The following PCSK5 variants were observed in gnomAD, a reference collection of about 807,000 sequenced individuals.
The protein encoded by PCSK5 is prohormone convertase 5.
In PCSK5, 129 loss-of-function variants were observed where a neutral mutation model predicts 233.2. The ratio of observed to expected loss-of-function variants is 0.55; its 90% confidence interval spans 0.48 to 0.64. The LOEUF (loss-of-function observed/expected upper bound fraction) is 0.64. Ranked by LOEUF, PCSK5 falls within the 30% of genes least tolerant of loss-of-function variation. The probability of loss-of-function intolerance (pLI) is 0.00; values close to 1 mark genes in which losing one functional copy is unlikely to be tolerated. For synonymous variants in PCSK5, 825 were observed against 879.2 expected (o/e 0.94, Z 1.09); for missense variants, 2,076 against 2,430.1 (o/e 0.85, Z 3.06).
chr9:75,975,916 G>C (rs1325957775), intron 2 of PCSK5, among the ~76,000 whole-genome samples: 1 of 152,144 alleles, frequency 6.6e-6, no homozygotes, highest in African/African-American at 2.4e-5. Flanking sequence ...TTTGACCCTG[G>C]AGTGAAGCTG....
At chr9:76,058,369 CT>C (rs1279993897) in intron 5 of PCSK5, among the ~76,000 whole-genome samples, 8 of 152,080 alleles carry the variant, frequency 5.3e-5, no homozygotes, top group Non-Finnish European at 8.8e-5. Flanking sequence ...ATCTACAGTA[CT>C]TTAACTATAT....
At chr9:76,064,862 AT>A (rs1416546106) in intron 5 of PCSK5, among the ~76,000 whole-genome samples, 2 of 152,034 alleles carry the variant, frequency 1.3e-5, no homozygotes, top group African/African-American at 4.8e-5. Flanking sequence ...TCTCTTTTTT[AT>A]TTTTGTAGAG....
At chr9:75,930,451 A>G (rs1823735188) in intron 1 of PCSK5, among the ~76,000 whole-genome samples, 1 of 152,216 alleles carries the variant, frequency 6.6e-6, no homozygotes, top group African/African-American at 2.4e-5. Flanking sequence ...AGCGTACGGA[A>G]TAGTTCCCTG....
At chr9:76,193,428 GA>G (rs368878471) in intron 20 of PCSK5, 55,444 of 596,136 alleles carry the variant, frequency 0.093, 1 homozygote, top group East Asian at 0.19. Flanking sequence ...AAGCCAAAAA[GA>G]AAAAAAAAAA....
At chr9:76,018,515 T>C (rs1479771242) in intron 3 of PCSK5, among the ~76,000 whole-genome samples, 2 of 152,018 alleles carry the variant, frequency 1.3e-5, no homozygotes, top group African/African-American at 4.8e-5. Flanking sequence ...GGATCTAGGT[T>C]GCGTGCTTCT....
At chr9:76,147,469 C>G (rs1475147811) in intron 10 of PCSK5, among the ~76,000 whole-genome samples, 2 of 152,142 alleles carry the variant, frequency 1.3e-5, no homozygotes, top group African/African-American at 4.8e-5. Context: ...GATGCCATCC[C>G]TAATAACCTA....
At chr9:76,271,185 C>A (rs1289110113) in intron 24 of PCSK5, among the ~76,000 whole-genome samples, 1 of 151,976 alleles carries the variant, frequency 6.6e-6, no homozygotes, top group Admixed American at 6.6e-5. Flanking sequence ...AATTCAGAAT[C>A]AAATGAGCAT....
At chr9:75,989,883 TG>T (rs973269946) in intron 3 of PCSK5, among the ~76,000 whole-genome samples, 11 of 152,080 alleles carry the variant, frequency 7.2e-5, no homozygotes, top group African/African-American at 2.7e-4. Flanking sequence ...TATGTGTGGG[TG>T]GCGTACTAGG....
At chr9:75,926,875 T>C (rs529190222) in intron 1 of PCSK5, among the ~76,000 whole-genome samples, 1 of 152,338 alleles carries the variant, frequency 6.6e-6, no homozygotes, top group East Asian at 1.9e-4. Flanking sequence ...CATTCACCTA[T>C]TGATGGACAT....
intron 2 of PCSK5, among the ~76,000 whole-genome samples, chr9:75,939,708 A>C (rs1460672449): frequency 2.0e-5 from 3 of 152,232 alleles, no homozygotes; most frequent in Non-Finnish European, 4.4e-5. Flanking sequence ...TTAGACACCC[A>C]TGCGCTATGC....
chr9:76,260,777 T>G (rs1402940436), intron 24 of PCSK5, among the ~76,000 whole-genome samples: 1 of 152,206 alleles, frequency 6.6e-6, no homozygotes, highest in Non-Finnish European at 1.5e-5. Flanking sequence ...AATAAATTTT[T>G]ATGTTTTAAG....
At chr9:76,157,278 C>G in intron 11 of PCSK5, 116 bp downstream of exon 11, 1 of 687,870 alleles carries the variant, frequency 1.5e-6, no homozygotes, top group South Asian at 1.7e-5. Flanking sequence ...TAGTTTCTCT[C>G]TAATGTGACT....
intron 20 of PCSK5, among the ~76,000 whole-genome samples, chr9:76,219,744 C>T (rs1001943880): frequency 1.3e-5 from 2 of 152,204 alleles, no homozygotes; most frequent in African/African-American, 4.8e-5. Context: ...GAGAGAGGCC[C>T]CCTTTCTCCC....
chr9:76,054,117 TACTATC>T (rs1416708348), intron 5 of PCSK5, among the ~76,000 whole-genome samples: 1 of 152,094 alleles, frequency 6.6e-6, no homozygotes, highest in Non-Finnish European at 1.5e-5. Context: ...TCATAAGACT[TACTATC>T]ACAAGAACTG....
intron 2 of PCSK5, among the ~76,000 whole-genome samples, chr9:75,938,899 G>A (rs116267973): frequency 0.01 from 1,583 of 152,234 alleles, 25 homozygotes; most frequent in African/African-American, 0.036. Context: ...AAATGGCTTC[G>A]TGGAAAATTG....
intron 5 of PCSK5, 47 bp downstream of exon 5, chr9:76,027,084 T>A: frequency 8.1e-7 from 1 of 1,241,602 alleles, no homozygotes; most frequent in Non-Finnish European, 1.2e-6. Context: ...GCAAGGAGCT[T>A]TGTTTTCTGC....
intron 22 of PCSK5, among the ~76,000 whole-genome samples, chr9:76,235,309 A>AAAG (rs142476252): frequency 5.3e-5 from 8 of 151,298 alleles, no homozygotes; most frequent in Admixed American, 3.3e-4. Context: ...CAACAAAAAA[A>AAAG]AAGAAGAAGA....
At chr9:76,097,879 G>C (rs1188085650) in intron 8 of PCSK5, among the ~76,000 whole-genome samples, 1 of 152,150 alleles carries the variant, frequency 6.6e-6, no homozygotes, top group Non-Finnish European at 1.5e-5. Flanking sequence ...TCATGATTTT[G>C]TAAACTGTCT....
chr9:76,033,287 G>T (rs1007444628), intron 5 of PCSK5, among the ~76,000 whole-genome samples: 3 of 152,126 alleles, frequency 2.0e-5, no homozygotes, highest in Admixed American at 6.5e-5. Flanking sequence ...GCCTTAACAC[G>T]TACAAACATT....
Sources: gnomAD v4.1 joint callset for allele counts (sites outside exome capture counted in the v4.1 genomes callset) on GRCh38, gnomAD v4.1.1 for gene constraint, MANE v1.5 for transcripts, NCBI Gene and HGNC (gene_info 2026-07-23, HGNC 2026-07-21) for gene names.